The following LINGO2 variants were observed in gnomAD, a reference collection of about 807,000 sequenced individuals.
The protein encoded by LINGO2 is leucine rich repeat and Ig domain containing 2, also known as leucine-rich repeat and immunoglobulin-like domain-containing nogo receptor-interacting protein 2.
LINGO2 carries 14 observed loss-of-function variants against 30.6 expected under a neutral mutation model. The ratio of observed to expected loss-of-function variants is 0.46; its 90% CI spans 0.30 to 0.72. The LOEUF (loss-of-function observed/expected upper bound fraction) is 0.72. Ranked by LOEUF, LINGO2 falls within the 30% of genes least tolerant of loss-of-function variation. The probability of loss-of-function intolerance (pLI) is 0.07; values close to 1 mark genes in which losing one functional copy is unlikely to be tolerated. For missense variants in LINGO2, 729 were observed against 751.7 expected (o/e 0.97, Z 0.35); for synonymous variants, 317 against 288.5 (o/e 1.10, Z -1.00).
the LINGO2 span, among the ~76,000 whole-genome samples, chr9:29,055,936 G>GTATGTATATATATATATATACATATA: frequency 2.5e-5 from 3 of 121,942 alleles, no homozygotes; most frequent in South Asian, 7.8e-4. Flanking sequence ...GTGTATGTGT[G>GTATGTATATATATATATATACATATA]TGTGTATATA....
At chr9:28,885,112 C>T in the LINGO2 span, among the ~76,000 whole-genome samples, 2 of 144,610 alleles carry the variant, frequency 1.4e-5, no homozygotes, top group African/African-American at 5.1e-5. Flanking sequence ...TTGGCTGGCC[C>T]TCCTCTCAGA....
At chr9:28,194,755 A>C (rs1819950178) in intron 4 of LINGO2, among the ~76,000 whole-genome samples, 1 of 151,974 alleles carries the variant, frequency 6.6e-6, no homozygotes. Context: ...CTCTTAGCTT[A>C]ATTAATTAAA....
chr9:28,654,441 T>C (rs1356610630), intron 1 of LINGO2, among the ~76,000 whole-genome samples: 2 of 151,188 alleles, frequency 1.3e-5, no homozygotes, highest in East Asian at 1.9e-4. Flanking sequence ...TATTTTCATT[T>C]TACCAGATAT....
the LINGO2 span, among the ~76,000 whole-genome samples, chr9:28,964,943 A>G: frequency 2.6e-5 from 4 of 151,936 alleles, no homozygotes; most frequent in African/African-American, 7.2e-5. Flanking sequence ...TCTCACCAAC[A>G]CTAGTATCTC....
At chr9:28,258,518 A>G (rs755591192) in intron 4 of LINGO2, among the ~76,000 whole-genome samples, 1 of 151,946 alleles carries the variant, frequency 6.6e-6, no homozygotes, top group Non-Finnish European at 1.5e-5. Flanking sequence ...ACACCCCACA[A>G]GATTGTTAGA....
chr9:28,517,270 A>G (rs966695475), intron 1 of LINGO2, among the ~76,000 whole-genome samples: 2 of 152,172 alleles, frequency 1.3e-5, no homozygotes, highest in African/African-American at 4.8e-5. Flanking sequence ...TAAAAGAGCC[A>G]GATCTTTAAT....
the LINGO2 span, among the ~76,000 whole-genome samples, chr9:28,829,857 T>G: frequency 6.6e-6 from 1 of 151,928 alleles, no homozygotes; most frequent in South Asian, 2.1e-4. Context: ...GCCACTGCAC[T>G]CCAGCCTGGG....
intron 3 of LINGO2, among the ~76,000 whole-genome samples, chr9:28,324,608 T>G (rs1411823269): frequency 1.3e-5 from 2 of 152,152 alleles, no homozygotes; most frequent in East Asian, 3.9e-4. Flanking sequence ...TATATGCTAA[T>G]TATAATGTAT....
the LINGO2 span, among the ~76,000 whole-genome samples, chr9:29,206,545 T>C: frequency 3.3e-5 from 5 of 152,174 alleles, no homozygotes; most frequent in African/African-American, 1.2e-4. Flanking sequence ...TTATACTCAC[T>C]CTCAGCCCAG....
intron 4 of LINGO2, among the ~76,000 whole-genome samples, chr9:28,094,127 G>A (rs1023943265): frequency 6.6e-6 from 1 of 151,998 alleles, no homozygotes; most frequent in African/African-American, 2.4e-5. Context: ...CCAAGAATCA[G>A]AATTATTTTC....
chr9:28,494,136 G>A (rs1041629093), intron 1 of LINGO2, among the ~76,000 whole-genome samples: 3 of 152,014 alleles, frequency 2.0e-5, no homozygotes, highest in Admixed American at 2.0e-4. Context: ...TATTTGTTTG[G>A]TGCAAAAGAA....
intron 4 of LINGO2, among the ~76,000 whole-genome samples, chr9:28,175,709 A>T (rs1195614361): frequency 1.3e-5 from 2 of 152,176 alleles, no homozygotes; most frequent in African/African-American, 4.8e-5. Context: ...GTGGTAAGTC[A>T]TTAGGGAAAA....
At chr9:28,228,395 G>T (rs1445628196) in intron 4 of LINGO2, among the ~76,000 whole-genome samples, 1 of 151,870 alleles carries the variant, frequency 6.6e-6, no homozygotes, top group Non-Finnish European at 1.5e-5. Flanking sequence ...AACTAAATCA[G>T]ATCCATTTGG....
chr9:29,031,269 GGTGATTTATTT>G, the LINGO2 span, among the ~76,000 whole-genome samples: 1 of 151,472 alleles, frequency 6.6e-6, no homozygotes, highest in South Asian at 2.1e-4. Context: ...TGGTGGTGGT[GGTGATTTATTT>G]ATTTATTTAT....
chr9:29,064,825 C>T, the LINGO2 span, among the ~76,000 whole-genome samples: 6 of 151,962 alleles, frequency 3.9e-5, no homozygotes, highest in Middle Eastern at 3.4e-3. Context: ...AATCTATGTT[C>T]TCCTAGTCTT....
chr9:28,853,587 G>A, the LINGO2 span, among the ~76,000 whole-genome samples: 8 of 151,932 alleles, frequency 5.3e-5, no homozygotes, highest in Admixed American at 3.3e-4. Context: ...AATTTATAAA[G>A]GAAGGAAGTT....
chr9:28,673,227 T>G (rs1001632005), upstream of LINGO2, among the ~76,000 whole-genome samples: 1 of 152,144 alleles, frequency 6.6e-6, no homozygotes, highest in Non-Finnish European at 1.5e-5. Flanking sequence ...AATCGAAGTT[T>G]ACAGTGATGG....
At chr9:28,313,559 C>A (rs911700291) in intron 3 of LINGO2, among the ~76,000 whole-genome samples, 2 of 152,244 alleles carry the variant, frequency 1.3e-5, no homozygotes, top group South Asian at 2.1e-4. Context: ...AAATTGAAAT[C>A]TTTCAATCAT....
chr9:28,426,395 T>C (rs1408539991), intron 2 of LINGO2, among the ~76,000 whole-genome samples: 1 of 152,130 alleles, frequency 6.6e-6, no homozygotes, highest in Non-Finnish European at 1.5e-5. Context: ...ATTTTGCTCA[T>C]GTTTTTAAAA....
Sources: allele counts gnomAD v4.1 joint callset (sites outside exome capture counted in the v4.1 genomes callset), GRCh38; gene constraint gnomAD v4.1.1; transcripts MANE v1.5; gene names NCBI Gene and HGNC (gene_info 2026-07-23, HGNC 2026-07-21).